The following ABCA13 variants were observed in gnomAD, a reference collection of about 807,000 sequenced individuals.
ABCA13 encodes the protein ATP-binding cassette sub-family A member 13.
Under a neutral mutation model 478.7 loss-of-function variants are expected in ABCA13, and 476 were observed. The ratio of observed to expected loss-of-function variants is 0.99; its 90% CI spans 0.92 to 1.07. The LOEUF is 1.07. ABCA13 is among the 50% of genes least tolerant of loss of function. The pLI is 0.00. For missense variants in ABCA13, 6,060 were observed against 5,910.6 expected (o/e 1.03, Z -0.83); for synonymous variants, 2,252 against 2,158.9 (o/e 1.04, Z -1.20).
At position 48,274,722 on chromosome 7, in the gene ABCA13, A is replaced by T; in HGVS notation, c.5056A>T (p.Ser1686Cys). ...DLLVDQLEQVSVNLMDFFKNI... is the reference protein window; with the variant it reads ...DLLVDQLEQVCVNLMDFFKNI... Reference sequence around the variant, plus strand: ...TTTAGTGGATCAGCTTGAACAAGTTAGTGTAAACCTAATGGATTTCTTTAA... The same window carrying T: ...TTTAGTGGATCAGCTTGAACAAGTTTGTGTAAACCTAATGGATTTCTTTAA... The change falls in exon 17 of 62, where the codon AGT becomes TGT. Residue 1686 changes from serine (S) to cysteine (C), a missense_variant. Physicochemically the swap from Ser to Cys is moderately radical, Grantham distance 112 (BLOSUM62 -1). Around this residue, in one of 3 missense-constraint regions of ABCA13, gnomAD observed 4,423 missense variants for 4,309.1 expected, o/e 1.03. Transcript: ENST00000435803. 6.2e-7 allele frequency: 1 copy of T among 1,613,994 alleles called. No homozygotes were observed.
rs536315988 is a variant in ABCA13 at position 48,380,586 on chromosome 7, A to C, written c.11335+4014A>C. Among the ~76,000 whole-genome samples the C allele has an allele frequency of 5.3e-5, 8 of 152,372 alleles. No homozygotes were observed. In the East Asian group the frequency reaches 1.5e-3, roughly 29 times the overall value. On this transcript the variant is annotated intron_variant, in intron 35 of 61. Coordinates refer to ENST00000435803, the MANE Select transcript of ABCA13 (RefSeq NM_152701.5). Reference sequence around the variant, plus strand: ...TGCATTTGCACGGCTGTGTGTGATCAGGCTCACAGAAGGCAAGTCAAGGAC... The same window carrying C: ...TGCATTTGCACGGCTGTGTGTGATCCGGCTCACAGAAGGCAAGTCAAGGAC...
intron 59 of ABCA13, among the ~76,000 whole-genome samples, chr7:48,637,206 T>C (rs1794709781): frequency 6.6e-6 from 1 of 151,678 alleles, no homozygotes; most frequent in Non-Finnish European, 1.5e-5. Context: ...TTTGCACAGA[T>C]GGTGGCTGAG....
chr7:48,253,077 T>G (rs1421849025), intron 15 of ABCA13, among the ~76,000 whole-genome samples: 2 of 152,210 alleles, frequency 1.3e-5, no homozygotes, highest in African/African-American at 4.8e-5. Flanking sequence ...ACATACTATC[T>G]GCTTTAAAAT....
chr7:48,600,054 C>A (rs1005035807), intron 58 of ABCA13, among the ~76,000 whole-genome samples: 17 of 152,026 alleles, frequency 1.1e-4, no homozygotes, highest in Non-Finnish European at 2.1e-4. Context: ...TTTTCTTTTC[C>A]TTCTTTAGAT....
chr7:48,572,152 C>T (rs764401442), intron 55 of ABCA13, among the ~76,000 whole-genome samples: 14 of 152,004 alleles, frequency 9.2e-5, no homozygotes, highest in Non-Finnish European at 1.5e-4. Flanking sequence ...TGCATTCCAG[C>T]CTGGGTGATG....
At chr7:48,506,088 T>C (rs1396208925) in intron 48 of ABCA13, among the ~76,000 whole-genome samples, 2 of 152,206 alleles carry the variant, frequency 1.3e-5, no homozygotes, top group African/African-American at 4.8e-5. Context: ...ACATAGGGCC[T>C]GTCATGTAAA....
intron 52 of ABCA13, among the ~76,000 whole-genome samples, chr7:48,517,215 A>T (rs545842525): frequency 8.5e-5 from 13 of 152,186 alleles, no homozygotes; most frequent in Non-Finnish European, 1.9e-4. Flanking sequence ...GAATGGTGGA[A>T]GAGTGAGTCA....
chr7:48,485,715 G>A (rs1374690639), intron 47 of ABCA13, among the ~76,000 whole-genome samples: 1 of 152,172 alleles, frequency 6.6e-6, no homozygotes, highest in Admixed American at 6.5e-5. Flanking sequence ...AGCATCAAGA[G>A]TAAACATGCA....
chr7:48,276,641 C>A, intron 17 of ABCA13, 76 bp downstream of exon 17: 1 of 1,233,810 alleles, frequency 8.1e-7, no homozygotes, highest in African/African-American at 1.5e-5. Context: ...GGAGTATAGA[C>A]ATGTCAAAAA....
chr7:48,259,255 A>G (rs1793833382), intron 15 of ABCA13, among the ~76,000 whole-genome samples: 1 of 152,134 alleles, frequency 6.6e-6, no homozygotes, highest in Non-Finnish European at 1.5e-5. Context: ...GTAGGTCTCT[A>G]CGAACTCATT....
chr7:48,279,418 A>G lies in ABCA13; in HGVS notation c.8224A>G (p.Thr2742Ala), dbSNP rs1352291385. 2 of 1,603,544 alleles carry G rather than the reference A, an allele frequency of 1.2e-6. No individual in the cohort carries two copies. The highest frequency in any genetic ancestry group is 8.5e-7 in the Non-Finnish European group (1 of 1,173,884). ...TTTCTTGAAAATGGTGATCTGTCTC[A>G]CCTTAGAAGCTCTTTGGAAAAACTT... The part of the protein sequence containing the change: ...GSFLKMVICL[T>A]LEALWKNLKK... The change falls in exon 18 of 62, where the codon ACC (threonine) becomes GCC (alanine). Residue 2742 changes from threonine to alanine, a missense_variant. Thr to Ala is a moderately conservative substitution (Grantham distance 58). Coordinates refer to ENST00000435803, the MANE Select transcript of ABCA13 (RefSeq NM_152701.5).
chr7:48,548,329 AAGCATTTT>A (rs1785005413), intron 55 of ABCA13, among the ~76,000 whole-genome samples: 2 of 151,858 alleles, frequency 1.3e-5, no homozygotes, highest in African/African-American at 4.8e-5. Context: ...AAATGTCCCT[AAGCATTTT>A]GTTAATTAAG....
At chr7:48,281,584 A>G (rs983473374) in intron 19 of ABCA13, 132 bp downstream of exon 19, 2 of 781,998 alleles carry the variant, frequency 2.6e-6, no homozygotes, top group African/African-American at 3.5e-5. Context: ...TCTGGCAACC[A>G]GGCCTTGAGG....
chr7:48,310,264 T>C, intron 24 of ABCA13, 123 bp downstream of exon 24: 1 of 1,049,926 alleles, frequency 9.5e-7, no homozygotes, highest in Non-Finnish European at 1.4e-6. Flanking sequence ...TCTGCAGTGG[T>C]CTCCACCAGC....
intron 53 of ABCA13, among the ~76,000 whole-genome samples, chr7:48,522,162 T>C (rs1334814765): frequency 2.0e-5 from 3 of 152,168 alleles, no homozygotes; most frequent in Non-Finnish European, 2.9e-5. Flanking sequence ...CTACTCATAA[T>C]TGAATCTTGC....
At chr7:48,465,602 G>A (rs1403092962) in intron 43 of ABCA13, among the ~76,000 whole-genome samples, 1 of 148,786 alleles carries the variant, frequency 6.7e-6, no homozygotes, top group African/African-American at 2.5e-5. Context: ...TGGGGTACAT[G>A]TGATATTTTG....
chr7:48,451,252 G>T (rs765416257), intron 42 of ABCA13, among the ~76,000 whole-genome samples: 1 of 151,942 alleles, frequency 6.6e-6, no homozygotes. Context: ...CTCCACCTTG[G>T]CCTCCCAAAG....
intron 3 of ABCA13, among the ~76,000 whole-genome samples, chr7:48,207,091 T>C (rs1785026543): frequency 6.6e-6 from 1 of 152,204 alleles, no homozygotes; most frequent in African/African-American, 2.4e-5. Flanking sequence ...CTGGCTTATT[T>C]CCCTTAACAT....
chr7:48,347,065 C>A (rs1808227840), intron 29 of ABCA13, among the ~76,000 whole-genome samples: 2 of 152,194 alleles, frequency 1.3e-5, no homozygotes, highest in Non-Finnish European at 2.9e-5. Flanking sequence ...GTTTTCATCA[C>A]AGCCATTGCA....
Sources: allele counts gnomAD v4.1 joint callset (sites outside exome capture counted in the v4.1 genomes callset), GRCh38; gene constraint gnomAD v4.1.1; regional missense constraint gnomAD v4.1.1; transcripts MANE v1.5; gene names NCBI Gene and HGNC (gene_info 2026-07-23, HGNC 2026-07-21).